The following HOMER2 variants were observed in gnomAD, a reference collection of about 807,000 sequenced individuals.
The protein encoded by HOMER2 is homer protein homolog 2.
In HOMER2, 27 loss-of-function variants were observed where a neutral mutation model predicts 47.0. The observed-to-expected ratio is 0.57, with a 90% CI of 0.42 to 0.79. The LOEUF is 0.79. Ranked by LOEUF, HOMER2 falls within the 30% of genes least tolerant of loss-of-function variation. HOMER2 has a pLI of 0.00. For synonymous variants in HOMER2, 161 were observed against 163.8 expected, an observed-to-expected ratio of 0.98 and a Z score of 0.13; for missense variants, 443 against 435.0, an observed-to-expected ratio of 1.02 and a Z score of -0.16.
chr15:82,967,650 T>C (rs1596387339), intron 1 of HOMER2, among the ~76,000 whole-genome samples: 1 of 151,924 alleles, frequency 6.6e-6, no homozygotes, highest in African/African-American at 2.4e-5. Context: ...CTGAGGTGGG[T>C]GGATCACGAG....
intron 2 of HOMER2, among the ~76,000 whole-genome samples, chr15:82,889,810 CGA>C (rs140808625): frequency 0.023 from 3,523 of 152,240 alleles, 139 homozygotes; most frequent in African/African-American, 0.082. Context: ...CCTGCCAGGT[CGA>C]GAGAGGGCCC....
At position 82,982,879 on chromosome 15, in the gene HOMER2, T is replaced by C. The variant is rs143359362; in HGVS notation, n.82+2908A>G. ...TTTTCTATTTCCTGTTCTTGTCTCC[T>C]AAATATGGGTATTTCCTGAGGGATA... On this transcript the variant is annotated intron_variant and non_coding_transcript_variant, in intron 1 of 1. Transcript: ENST00000500334. Among the ~76,000 whole-genome samples the C allele has an allele frequency of 2.4e-4, 37 of 152,352 alleles. No homozygotes were observed. The East Asian group carries it at 6.8e-3, about 28-fold the overall frequency.
chr15:82,967,839 T>C (rs1333656532), intron 1 of HOMER2, among the ~76,000 whole-genome samples: 1 of 151,108 alleles, frequency 6.6e-6, no homozygotes, highest in Non-Finnish European at 1.5e-5. Context: ...ATCGCACCAC[T>C]GCACTCCAGC....
In HOMER2 at chr15:82,945,220, TAA is replaced by T. The variant is rs35180005; in HGVS notation, c.5+7309_5+7310del. ...GCTTTAAGAAATTGTTAAAATGTCTTAAAAAAAAAAAAAAAAAGAGCCTGTCT... is the reference window on the plus strand; with the variant it reads ...GCTTTAAGAAATTGTTAAAATGTCTTAAAAAAAAAAAAAAAGAGCCTGTCT... On this transcript the variant is annotated intron_variant, in intron 1 of 8. Coordinates refer to ENST00000450735, the MANE Select transcript of HOMER2 (RefSeq NM_004839.4). Among the ~76,000 whole-genome samples, 434 of 120,360 alleles carry T rather than the reference TAA, an allele frequency of 3.6e-3. 5 individuals carry two copies. The highest frequency in any genetic ancestry group is 0.011 in the African/African-American group (369 of 34,628). 79.0% of individuals were successfully genotyped at this position (120,360 alleles called of 152,430 possible).
At chr15:82,962,141 C>A (rs902981277) in intron 1 of HOMER2, among the ~76,000 whole-genome samples, 2 of 150,398 alleles carry the variant, frequency 1.3e-5, no homozygotes, top group African/African-American at 2.4e-5. Flanking sequence ...GAGTCCGAGG[C>A]GGGCGGATCA....
Position 82,851,132 on chromosome 15 carries a change from G to A in HOMER2, c.843+19C>T. On this transcript the variant is annotated intron_variant, in intron 8 of 8. Transcript: ENST00000450735. Reference sequence around the variant, plus strand: ...CCTTCTTGTCTGAGCCAGGATGGCTGTGCCCCCAACCCACGTACCTCTAGC... The same window carrying A: ...CCTTCTTGTCTGAGCCAGGATGGCTATGCCCCCAACCCACGTACCTCTAGC... 5 of 1,536,498 alleles carry A rather than the reference G, an allele frequency of 3.3e-6. No individual in the cohort carries two copies. The highest frequency in any genetic ancestry group is 3.6e-6 in the Non-Finnish European group (4 of 1,124,246).
chr15:82,958,701 G>A (rs2054605756), exon 2 of HOMER2: 1 of 152,292 alleles, frequency 6.6e-6, no homozygotes, highest in African/African-American at 2.4e-5. Flanking sequence ...GAGGCTGGGA[G>A]CCTGATTAGA....
At chr15:82,953,761 T>C (rs570068742), upstream of HOMER2, among the ~76,000 whole-genome samples, 18 of 152,252 alleles carry the variant, frequency 1.2e-4, no homozygotes, top group South Asian at 3.7e-3. Context: ...CAGGCGCCTG[T>C]AGTCCCAGCT....
At chr15:82,853,200 G>A (rs2051454728) in intron 6 of HOMER2, among the ~76,000 whole-genome samples, 1 of 152,208 alleles carries the variant, frequency 6.6e-6, no homozygotes, top group Non-Finnish European at 1.5e-5. Context: ...GTGAGATGTC[G>A]ACTCAGGGAG....
chr15:82,962,599 C>A (rs893221221), intron 1 of HOMER2, among the ~76,000 whole-genome samples: 1 of 152,040 alleles, frequency 6.6e-6, no homozygotes. Flanking sequence ...ATTGCTTGAA[C>A]CCGGGAGGTG....
chr15:82,962,559 C>T (rs147494019), intron 1 of HOMER2, among the ~76,000 whole-genome samples: 1,734 of 151,984 alleles, frequency 0.011, 30 homozygotes, highest in African/African-American at 0.04. Context: ...CGCCTATAAT[C>T]CCAGCTACTC....
chr15:82,878,836 C>G (rs552760984), intron 2 of HOMER2, among the ~76,000 whole-genome samples: 22 of 152,320 alleles, frequency 1.4e-4, no homozygotes, highest in Non-Finnish European at 2.9e-4. Context: ...CCATGTTGCC[C>G]TGGCTGATCT....
At chr15:82,943,198 T>C (rs1233764860) in intron 1 of HOMER2, among the ~76,000 whole-genome samples, 6 of 152,156 alleles carry the variant, frequency 3.9e-5, no homozygotes, top group African/African-American at 1.4e-4. Context: ...TTTAATCACC[T>C]CAATCATTTA....
chr15:82,952,787 C>A, upstream of HOMER2: 2 of 854,728 alleles, frequency 2.3e-6, no homozygotes, highest in South Asian at 5.3e-5. Context: ...CCGCTACCCC[C>A]GCCCGGCTCC....
At chr15:82,951,008 C>G (rs1323827880) in intron 1 of HOMER2, among the ~76,000 whole-genome samples, 1 of 152,126 alleles carries the variant, frequency 6.6e-6, no homozygotes, top group East Asian at 1.9e-4. Context: ...TGAGACCTTA[C>G]ATTTGCCAAC....
chr15:82,858,978 G>A (rs971963800), intron 5 of HOMER2, 51 bp downstream of exon 5: 2 of 1,579,298 alleles, frequency 1.3e-6, no homozygotes, highest in African/African-American at 2.7e-5. Flanking sequence ...AGGCTTCTAG[G>A]GAAGTGCTGA....
At chr15:82,978,641 G>C (rs1435361383) in intron 1 of HOMER2, among the ~76,000 whole-genome samples, 2 of 152,180 alleles carry the variant, frequency 1.3e-5, no homozygotes, top group African/African-American at 4.8e-5. Context: ...CCCGTGTGTT[G>C]TGGGAGGGAG....
At chr15:82,837,008 T>C (rs946321636) in exon 2 of HOMER2, 14 of 152,276 alleles carry the variant, frequency 9.2e-5, no homozygotes, top group African/African-American at 3.1e-4. Context: ...TGGGTCTCAC[T>C]GGGCTAAAAT....
chr15:82,981,021 A>T (rs1427078660), intron 1 of HOMER2, among the ~76,000 whole-genome samples: 1 of 152,192 alleles, frequency 6.6e-6, no homozygotes, highest in Non-Finnish European at 1.5e-5. Context: ...TTTGAGACTG[A>T]AGAAATTTGA....
Sources: gnomAD v4.1 joint callset for allele counts (sites outside exome capture counted in the v4.1 genomes callset) on GRCh38, gnomAD v4.1.1 for gene constraint, MANE v1.5 for transcripts, NCBI Gene and HGNC (gene_info 2026-07-23, HGNC 2026-07-21) for gene names.